EMC3: variants seen among roughly 807,000 people sequenced by gnomAD.
EMC3 encodes the protein ER membrane protein complex subunit 3.
EMC3 carries 13 observed loss-of-function variants against 36.6 expected under a neutral mutation model. The ratio of observed to expected loss-of-function variants is 0.35; its 90% CI spans 0.23 to 0.56. The LOEUF (loss-of-function observed/expected upper bound fraction) is 0.56. Ranked by LOEUF, EMC3 falls within the 20% of genes least tolerant of loss-of-function variation. The pLI is 0.84. For missense variants in EMC3, 220 were observed against 324.5 expected, an observed-to-expected ratio of 0.68 and a Z score of 2.47; for synonymous variants, 120 against 111.9, an observed-to-expected ratio of 1.07 and a Z score of -0.46.
At chr3:9,999,433 GT>G (rs1271145782) in intron 1 of EMC3, among the ~76,000 whole-genome samples, 2 of 152,006 alleles carry the variant, frequency 1.3e-5, no homozygotes, top group African/African-American at 2.4e-5. Context: ...GTAGAGACAG[GT>G]TTTCACATGT....
At chr3:9,977,354 A>G in intron 2 of EMC3, 35 bp downstream of exon 2, 2 of 1,589,288 alleles carry the variant, frequency 1.3e-6, no homozygotes, top group Non-Finnish European at 1.7e-6. Flanking sequence ...CCAACAGTGA[A>G]TCGTGGAGCT....
intron 7 of EMC3, among the ~76,000 whole-genome samples, chr3:9,967,051 C>T (rs2085742193): frequency 1.3e-5 from 2 of 152,162 alleles, no homozygotes; most frequent in Admixed American, 1.3e-4. Context: ...AGCAATTACT[C>T]CCCACTGCCC....
chr3:9,968,334 C>A (rs1482196207), intron 7 of EMC3, among the ~76,000 whole-genome samples: 1 of 152,206 alleles, frequency 6.6e-6, no homozygotes, highest in Non-Finnish European at 1.5e-5. Flanking sequence ...TATAGAAATA[C>A]AATTGATGTT....
intron 1 of EMC3, among the ~76,000 whole-genome samples, chr3:9,997,945 A>G (rs1242303788): frequency 1.3e-5 from 2 of 152,136 alleles, no homozygotes; most frequent in South Asian, 2.1e-4. Context: ...TGTGATGAAC[A>G]TATGTTTACC....
chr3:9,987,733 G>A (rs2085994987), upstream of EMC3: 1 of 419,198 alleles, frequency 2.4e-6, no homozygotes, highest in East Asian at 5.0e-5. Flanking sequence ...TTTTGGATAT[G>A]ACATTCTACG....
intron 1 of EMC3, among the ~76,000 whole-genome samples, chr3:9,992,225 G>A (rs2086063098): frequency 6.6e-6 from 1 of 151,926 alleles, no homozygotes; most frequent in Non-Finnish European, 1.5e-5. Context: ...GGTTCGAGTC[G>A]TTGACCTGCC....
At position 9,963,473 on chromosome 3, in the gene EMC3, A is replaced by T. The variant is rs1439471820; in HGVS notation, c.*596T>A. On this transcript the variant is annotated 3_prime_UTR_variant, in exon 8 of 8. Transcript: ENST00000245046. ...AAGATAGATATATATATATATATATATATATTTTTTTTTTTTTTTCAGATG... is the reference window on the plus strand; with the variant it reads ...AAGATAGATATATATATATATATATTTATATTTTTTTTTTTTTTTCAGATG... The T allele has an allele frequency of 0.013, 1,471 of 111,010 alleles. 55 individuals are homozygous for T. Among genetic ancestry groups the T allele is most frequent in the African/African-American group, 0.049 (1,394 of 28,684 alleles). The allele number at this position is 111,010 out of a possible 1,614,324, so 6.9% of individuals were successfully genotyped here.
chr3:9,997,550 C>G lies in EMC3; in HGVS notation c.-241-10648G>C, dbSNP rs369401292. On this transcript the variant is annotated intron_variant, in intron 1 of 8. Transcript: ENST00000470827. ...TATCAGCTTACCGCAACCTCTGCCT[C>G]CTGGGTTCAAGCAATTCTCTTGCCT... Among the ~76,000 whole-genome samples the G allele has an allele frequency of 7.2e-5, 11 of 152,328 alleles. 1 individual carries two copies. The East Asian group carries it at 9.6e-4, about 13-fold the overall frequency.
upstream of EMC3, chr3:9,988,071 C>A (rs139717562): frequency 6.6e-6 from 4 of 605,180 alleles, no homozygotes; most frequent in East Asian, 1.2e-4. Flanking sequence ...TCTCTGACAT[C>A]CCACAGTCAG....
intron 1 of EMC3, chr3:10,010,991 AGTGACCCCAAGCTGCGGGGG>A (rs2086317508): frequency 6.6e-6 from 1 of 152,314 alleles, no homozygotes; most frequent in Non-Finnish European, 1.5e-5. Context: ...GGCTCAGGGG[AGTGACCCCAAGCTGCGGGGG>A]GTGACCCTCA....
At chr3:9,978,091 A>G (rs1475332954) in intron 1 of EMC3, 1 of 143,714 alleles carries the variant, frequency 7.0e-6, no homozygotes, top group Non-Finnish European at 1.5e-5. Context: ...CAGGTGGATC[A>G]CTTAAGCCCA....
At chr3:10,000,654 C>CT (rs1283352203) in intron 1 of EMC3, 4 of 474,198 alleles carry the variant, frequency 8.4e-6, no homozygotes, top group Non-Finnish European at 1.7e-5. Context: ...TCATTAGTAG[C>CT]TTTTTTAAGA....
In EMC3 at chr3:10,003,256, A is replaced by G. The variant is rs545943696; in HGVS notation, c.-242+7767T>C. The stretch of plus-strand genomic sequence containing the variant: ...CAGTGTCATTCAGGCTGGGCAGCCC[A>G]AGGCTTTGACTTCAGCCTTGCCAAT... On this transcript the variant is annotated intron_variant, in intron 1 of 8. Coordinates refer to the EMC3 transcript ENST00000470827. 35 of 456,360 alleles carry G rather than the reference A, an allele frequency of 7.7e-5. No individual in the cohort carries two copies. In the East Asian group the frequency reaches 2.4e-3, roughly 32 times the overall value. 28.3% of individuals were successfully genotyped at this position (456,360 alleles called of 1,614,324 possible).
At chr3:10,002,305 T>TATGTTATGTTATGTTA (rs2086213642) in intron 1 of EMC3, among the ~76,000 whole-genome samples, 2 of 151,938 alleles carry the variant, frequency 1.3e-5, no homozygotes, top group African/African-American at 2.4e-5. Context: ...TTATTTTATT[T>TATGTTATGTTATGTTA]TGAGATAGTG....
intron 1 of EMC3, chr3:10,003,875 C>T: frequency 6.4e-6 from 1 of 155,556 alleles, no homozygotes; most frequent in East Asian, 1.9e-4. Flanking sequence ...AGTGCCATAG[C>T]AAATTGCGCA....
upstream of EMC3, among the ~76,000 whole-genome samples, chr3:9,989,228 A>G (rs369271509): frequency 9.2e-5 from 14 of 152,308 alleles, 1 homozygote; most frequent in East Asian, 9.6e-4. Context: ...TTATGTCTCT[A>G]TTAATTCTAG....
chr3:9,988,834 T>G, upstream of EMC3: 1 of 889,726 alleles, frequency 1.1e-6, no homozygotes, highest in Non-Finnish European at 1.8e-6. Context: ...TCTTTCTTTC[T>G]CCTCCCTCCA....
chr3:9,988,155 T>C, upstream of EMC3: 1 of 551,194 alleles, frequency 1.8e-6, no homozygotes, highest in Non-Finnish European at 3.3e-6. Context: ...ATATCGTTTT[T>C]CAAATTACGT....
At position 9,963,844 on chromosome 3, in the gene EMC3, G is replaced by C; in HGVS notation, c.*225C>G. 9.3e-6 allele frequency: 5 copies of C among 536,074 alleles called. No individual in the cohort carries two copies. The South Asian group carries it at 1.0e-4, about 11-fold the overall frequency. The allele number at this position is 536,074 out of a possible 1,614,324, so 33.2% of individuals were successfully genotyped here. On this transcript the variant is annotated 3_prime_UTR_variant, in exon 8 of 8. Coordinates refer to ENST00000245046, the MANE Select transcript of EMC3 (RefSeq NM_001394674.1). ...CTGACTTTCATTACTAGAGTCACCAGAAGGAACATTTACAACATTTTAAAA... is the reference window on the plus strand; with the variant it reads ...CTGACTTTCATTACTAGAGTCACCACAAGGAACATTTACAACATTTTAAAA...
Sources: allele counts gnomAD v4.1 joint callset (sites outside exome capture counted in the v4.1 genomes callset), GRCh38; gene constraint gnomAD v4.1.1; transcripts MANE v1.5; gene names NCBI Gene and HGNC (gene_info 2026-07-23, HGNC 2026-07-21).